POLR3C: variants seen among roughly 807,000 people sequenced by gnomAD.
The protein encoded by POLR3C is DNA-directed RNA polymerase III subunit RPC3.
Under a neutral mutation model 65.9 loss-of-function variants are expected in POLR3C, and 44 were observed. The ratio of observed to expected loss-of-function variants is 0.67; its 90% CI spans 0.52 to 0.86. The LOEUF (loss-of-function observed/expected upper bound fraction) is 0.86. Among genes scored for constraint, POLR3C ranks in the 40% least tolerant of loss-of-function variants. The pLI, the probability that POLR3C is intolerant of heterozygous loss-of-function variation, is 0.00. For synonymous variants in POLR3C, 263 were observed against 231.6 expected, an observed-to-expected ratio of 1.14 and a Z score of -1.23; for missense variants, 576 against 653.2, an observed-to-expected ratio of 0.88 and a Z score of 1.29.
At chr1:145,838,243 A>G (rs1553729381) in intron 11 of POLR3C, 37 bp downstream of exon 11, 2 of 1,588,564 alleles carry the variant, frequency 1.3e-6, no homozygotes, top group Non-Finnish European at 1.7e-6. Flanking sequence ...CCAACCAGCA[A>G]AGCTGGCCTA....
chr1:145,825,666 C>T (rs1437080898), intron 1 of POLR3C, 91 bp from the exon 2 acceptor site: 4 of 664,272 alleles, frequency 6.0e-6, no homozygotes, highest in Admixed American at 3.4e-5. Context: ...GTCAAATTGC[C>T]CTCCAGAAAG....
At chr1:145,835,833 C>CA (rs1424667709) in intron 7 of POLR3C, among the ~76,000 whole-genome samples, 23 of 152,200 alleles carry the variant, frequency 1.5e-4, no homozygotes, top group Non-Finnish European at 3.4e-4. Context: ...CTCAGCCTCT[C>CA]AAAGTGCTGG....
chr1:145,844,356 A>G lies in POLR3C; in HGVS notation c.*1936A>G, dbSNP rs1553731548. Among the ~76,000 whole-genome samples the G allele has an allele frequency of 6.6e-6, 1 of 152,240 alleles. No homozygotes were observed. Among genetic ancestry groups the G allele is most frequent in the East Asian group, 1.9e-4 (1 of 5,202 alleles). ...TGTCATTGGCAGCAACATGGATGGAATTGGAGGTCATTATGTTAAGTAAAA... is the reference window on the plus strand; with the variant it reads ...TGTCATTGGCAGCAACATGGATGGAGTTGGAGGTCATTATGTTAAGTAAAA... On this transcript the variant is annotated 3_prime_UTR_variant, in exon 15 of 15. Coordinates refer to ENST00000334163, the MANE Select transcript of POLR3C (RefSeq NM_006468.8).
At chr1:145,826,015 A>G in intron 2 of POLR3C, 92 bp downstream of exon 2, 1 of 1,023,068 alleles carries the variant, frequency 9.8e-7, no homozygotes. Context: ...CAGAAAAGGA[A>G]AAATGAAGAA....
chr1:145,840,328 TC>T (rs1652192207), intron 13 of POLR3C, 163 bp downstream of exon 13: 4 of 593,862 alleles, frequency 6.7e-6, no homozygotes, highest in Non-Finnish European at 1.2e-5. Flanking sequence ...TCACTTGAGG[TC>T]AGGAGTTTGA....
chr1:145,828,606 TTA>T, intron 4 of POLR3C, 141 bp from the exon 5 acceptor site: 1 of 622,508 alleles, frequency 1.6e-6, no homozygotes, highest in Non-Finnish European at 2.9e-6. Context: ...CTTGAGTTTC[TTA>T]TAGCTCTTCA....
intron 1 of POLR3C, chr1:145,824,686 G>T: frequency 2.3e-6 from 1 of 441,598 alleles, no homozygotes; most frequent in South Asian, 1.8e-5. Flanking sequence ...GTCCGTTTCT[G>T]ATTGTGTCAA....
rs1650507311 is a variant in POLR3C at position 145,824,290 on chromosome 1, G to A, written c.-100G>A. On this transcript the variant is annotated 5_prime_UTR_variant, in exon 1 of 15. Transcript: ENST00000334163. The stretch of plus-strand genomic sequence containing the variant: ...GGTGGGCTCCACCTCGGCCTAGAAG[G>A]CCAGCGGGAGCCGTAGGAAGCCGTC... 2.6e-5 allele frequency: 8 copies of A among 309,186 alleles called. No individual in the cohort carries two copies. Among genetic ancestry groups the A allele is most frequent in the South Asian group, 2.0e-4 (8 of 39,570 alleles). The allele number at this position is 309,186 out of a possible 1,614,324, so 19.2% of individuals were successfully genotyped here.
intron 7 of POLR3C, among the ~76,000 whole-genome samples, chr1:145,834,362 G>A (rs1651607049): frequency 6.6e-6 from 1 of 152,120 alleles, no homozygotes; most frequent in Non-Finnish European, 1.5e-5. Flanking sequence ...AGGCTACACT[G>A]TATTTATTAA....
At chr1:145,833,657 G>A in intron 7 of POLR3C, 75 bp downstream of exon 7, 1 of 1,003,356 alleles carries the variant, frequency 1.0e-6, no homozygotes, top group Non-Finnish European at 1.6e-6. Flanking sequence ...CACAGATCCT[G>A]AGTTTGGGTT....
In POLR3C at chr1:145,838,111, G is replaced by A. The variant is rs587745036; in HGVS notation, c.1126G>A (p.Glu376Lys). ...FRLVLQKKHI[E>K]QKQVEDFAMI... ...TCTAGTTTTGCAGAAGAAACACATAGAGCAGAAGCAAGTGGAAGACTTTGC... is the reference window on the plus strand; with the variant it reads ...TCTAGTTTTGCAGAAGAAACACATAAAGCAGAAGCAAGTGGAAGACTTTGC... Residue 376 changes from glutamate to lysine, a missense_variant, in exon 11 of 15, where the codon GAG (glutamate) becomes AAG (lysine). Transcript: ENST00000334163. The A allele has an allele frequency of 6.2e-7, 1 of 1,613,794 alleles. No homozygotes were observed. Among genetic ancestry groups the A allele is most frequent in the African/African-American group, 1.3e-5 (1 of 75,050 alleles).
chr1:145,835,272 T>C (rs1553728284), intron 7 of POLR3C, among the ~76,000 whole-genome samples: 1 of 149,356 alleles, frequency 6.7e-6, no homozygotes, highest in African/African-American at 2.5e-5. Flanking sequence ...TGGTGAAACC[T>C]CATCTCTACT....
chr1:145,834,685 T>C (rs938389979), intron 7 of POLR3C, among the ~76,000 whole-genome samples: 13 of 151,908 alleles, frequency 8.6e-5, no homozygotes, highest in Non-Finnish European at 1.9e-4. Context: ...CACAACGGCA[T>C]TGTGCTATGA....
Position 145,842,534 on chromosome 1 carries a change from C to T in POLR3C, c.*114C>T, listed in dbSNP as rs1486840211. ...GTCGCAGAGTCTTCAACTAAACCCCCCTCTCTATCCCCTGCAGCCCAGGAT... is the reference window on the plus strand; with the variant it reads ...GTCGCAGAGTCTTCAACTAAACCCCTCTCTCTATCCCCTGCAGCCCAGGAT... On this transcript the variant is annotated 3_prime_UTR_variant, in exon 15 of 15. Transcript: ENST00000334163. 1 of 758,838 alleles carries T rather than the reference C, an allele frequency of 1.3e-6. No individual in the cohort carries two copies. Among genetic ancestry groups the T allele is most frequent in the African/African-American group, 1.7e-5 (1 of 58,766 alleles). The allele number at this position is 758,838 out of a possible 1,614,324, so 47.0% of individuals were successfully genotyped here.
chr1:145,824,357 C>T lies in POLR3C; in HGVS notation c.-33C>T. 2.9e-6 allele frequency: 1 copy of T among 349,040 alleles called. No homozygotes were observed. Among genetic ancestry groups the T allele is most frequent in the Non-Finnish European group, 5.6e-6 (1 of 177,194 alleles). 21.6% of individuals were successfully genotyped at this position (349,040 alleles called of 1,614,324 possible). On this transcript the variant is annotated 5_prime_UTR_variant, in exon 1 of 15. Coordinates refer to ENST00000334163, the MANE Select transcript of POLR3C (RefSeq NM_006468.8). ...AATTGGAGTTGGAGCCCCCGGATTG[C>T]GCTGACCCTGAGGTTAGTGGAAAAT...
rs1652417437 is a variant in POLR3C, at chr1:145,843,088, T to C, written c.*668T>C. 6.6e-6 allele frequency among the ~76,000 whole-genome samples: 1 copy of C among 152,038 alleles called. No homozygotes were observed. The highest frequency in any genetic ancestry group is 6.6e-5 in the Admixed American group (1 of 15,244). On this transcript the variant is annotated 3_prime_UTR_variant, in exon 15 of 15. Transcript: ENST00000334163. ...ACAGTGTAGGGAATGTGAAAGACTA[T>C]CACAGAGTAGAAGAAAAAATTATTT...
At position 145,826,557 on chromosome 1, in the gene POLR3C, G is replaced by A. The variant is rs115748902; in HGVS notation, c.251G>A (p.Arg84Gln). ...EYEAQCSRVL[R>Q]MLRYPRYIYT... is the part of the protein sequence containing the mutation. The stretch of plus-strand genomic sequence containing the variant: ...GAAGCCCAGTGCAGCCGGGTATTGC[G>A]AATGCTTAGATATCCCCGGTACATC... Residue 84 changes from arginine to glutamine, a missense_variant, in exon 3 of 15, where the codon CGA becomes CAA. Physicochemically the swap from Arg to Gln is conservative, Grantham distance 43 (BLOSUM62 1). Coordinates refer to ENST00000334163, the MANE Select transcript of POLR3C (RefSeq NM_006468.8). 10,214 of 1,613,996 alleles carry A rather than the reference G, an allele frequency of 6.3e-3. 46 individuals are homozygous for A. Among genetic ancestry groups the A allele is most frequent in the Non-Finnish European group, 7.5e-3 (8,809 of 1,179,968 alleles).
chr1:145,841,257 C>T (rs1231436594), intron 14 of POLR3C, among the ~76,000 whole-genome samples, 186 bp downstream of exon 14: 6 of 152,208 alleles, frequency 3.9e-5, no homozygotes, highest in African/African-American at 1.2e-4. Flanking sequence ...AGCTTCTTCT[C>T]CATCACCATA....
intron 11 of POLR3C, among the ~76,000 whole-genome samples, chr1:145,838,922 T>A (rs1652074567): frequency 1.3e-5 from 2 of 152,186 alleles, no homozygotes; most frequent in South Asian, 4.1e-4. Flanking sequence ...CCCAGTTACA[T>A]TAAGCAAGTT....
Sources: allele counts gnomAD v4.1 joint callset (sites outside exome capture counted in the v4.1 genomes callset), GRCh38; gene constraint gnomAD v4.1.1; transcripts MANE v1.5; gene names NCBI Gene and HGNC (gene_info 2026-07-23, HGNC 2026-07-21).